Variants in TOX3 observed in about 807,000 individuals in gnomAD.
TOX3 encodes TOX high mobility group box family member 3.
In TOX3, 22 loss-of-function variants were observed where a neutral mutation model predicts 64.3. The observed-to-expected ratio is 0.34, with a 90% confidence interval of 0.24 to 0.49. The LOEUF is 0.49. Ranked by LOEUF, TOX3 falls within the 20% of genes least tolerant of loss-of-function variation. The probability of loss-of-function intolerance (pLI) is 0.99; values close to 1 mark genes in which losing one functional copy is unlikely to be tolerated. For synonymous variants in TOX3, 291 were observed against 273.6 expected, an observed-to-expected ratio of 1.06 and a Z score of -0.63; for missense variants, 661 against 714.4, an observed-to-expected ratio of 0.93 and a Z score of 0.85.
intron 1 of TOX3, among the ~76,000 whole-genome samples, chr16:52,481,906 C>G (rs888148063): frequency 1.6e-4 from 24 of 152,192 alleles, no homozygotes; most frequent in African/African-American, 5.3e-4. Context: ...AAAGAGCTCA[C>G]ATGAGACTCT....
At position 52,517,471 on chromosome 16, in the gene TOX3, T is replaced by C. The variant is rs1316769635; in HGVS notation, c.87+29166A>G. ...TTCTCTTGTCATACAGATGGCTCTC[T>C]TCTTGGTGGTGCCCCAGCCCACCCT... On this transcript the variant is annotated intron_variant, in intron 1 of 6. Coordinates refer to ENST00000219746, the MANE Select transcript of TOX3 (RefSeq NM_001080430.4). Among the ~76,000 whole-genome samples the C allele has an allele frequency of 2.0e-5, 3 of 152,004 alleles. No individual in the cohort carries two copies. In the East Asian group the frequency reaches 5.8e-4, roughly 29 times the overall value.
At chr16:52,501,236 C>G (rs1201545815) in intron 1 of TOX3, among the ~76,000 whole-genome samples, 1 of 152,212 alleles carries the variant, frequency 6.6e-6, no homozygotes, top group Non-Finnish European at 1.5e-5. Context: ...ACTATACTGT[C>G]TCTTTAATAA....
chr16:52,453,330 C>A (rs1207652036), intron 3 of TOX3, among the ~76,000 whole-genome samples: 1 of 151,830 alleles, frequency 6.6e-6, no homozygotes, highest in African/African-American at 2.4e-5. Context: ...ATTACAGGCA[C>A]GCACCACCAT....
chr16:52,465,837 T>C (rs1026073291), intron 2 of TOX3, among the ~76,000 whole-genome samples: 12 of 152,196 alleles, frequency 7.9e-5, no homozygotes, highest in Non-Finnish European at 8.8e-5. Context: ...ACTGAACATC[T>C]TGAGGTTCTT....
intron 3 of TOX3, among the ~76,000 whole-genome samples, chr16:52,461,952 AAC>A (rs1292807333): frequency 6.6e-6 from 1 of 152,144 alleles, no homozygotes; most frequent in Non-Finnish European, 1.5e-5. Flanking sequence ...CAAAGCCAAC[AAC>A]ACATTGTATT....
chr16:52,526,271 A>T (rs569856470), intron 1 of TOX3, among the ~76,000 whole-genome samples: 5 of 152,336 alleles, frequency 3.3e-5, no homozygotes, highest in Admixed American at 2.0e-4. Context: ...AAGAGAACAG[A>T]ATAGCCAAGG....
In TOX3 at chr16:52,535,104, T is replaced by G. The variant is rs373033651; in HGVS notation, c.87+11533A>C. On this transcript the variant is annotated intron_variant, in intron 1 of 6. Coordinates refer to ENST00000219746, the MANE Select transcript of TOX3 (RefSeq NM_001080430.4). ...GCACATAAAAACTAAAACTTTGAAG[T>G]TTAGGAAAAACAAGAACACTACAGA... Among the ~76,000 whole-genome samples the G allele has an allele frequency of 3.9e-5, 6 of 152,126 alleles. No homozygotes were observed. In the East Asian group the frequency reaches 1.2e-3, roughly 30 times the overall value.
At chr16:52,530,475 T>C (rs1270328481) in intron 1 of TOX3, among the ~76,000 whole-genome samples, 4 of 152,076 alleles carry the variant, frequency 2.6e-5, no homozygotes, top group Non-Finnish European at 4.4e-5. Context: ...TAGCTGGGAT[T>C]ACAGGTGCCT....
At chr16:52,482,522 AC>A (rs1961396050) in intron 1 of TOX3, among the ~76,000 whole-genome samples, 1 of 152,222 alleles carries the variant, frequency 6.6e-6, no homozygotes, top group African/African-American at 2.4e-5. Context: ...AGTTCTTAAA[AC>A]AACCACAAAA....
At chr16:52,515,048 A>G (rs1375384519) in intron 1 of TOX3, among the ~76,000 whole-genome samples, 2 of 148,944 alleles carry the variant, frequency 1.3e-5, no homozygotes, top group Admixed American at 6.7e-5. Flanking sequence ...AGGACCCAAG[A>G]GAATATAAGT....
chr16:52,532,663 G>A (rs1962876489), intron 1 of TOX3, among the ~76,000 whole-genome samples: 1 of 152,226 alleles, frequency 6.6e-6, no homozygotes, highest in Non-Finnish European at 1.5e-5. Context: ...TAGATAACTG[G>A]TACAGACAAC....
In TOX3 at chr16:52,546,969, C is replaced by T. The variant is rs1174475205; in HGVS notation, c.-246G>A. 2.0e-6 allele frequency: 2 copies of T among 977,314 alleles called. No individual in the cohort carries two copies. The highest frequency in any genetic ancestry group is 2.4e-6 in the Non-Finnish European group (2 of 826,796). 60.5% of individuals were successfully genotyped at this position (977,314 alleles called of 1,614,324 possible). On this transcript the variant is annotated 5_prime_UTR_variant, in exon 1 of 7. Transcript: ENST00000219746. ...GGGGGGACGCGCCCCGCCGGGGCAC[C>T]GAGGCAGCGCTGCGCGCGGGCCGGG...
intron 1 of TOX3, among the ~76,000 whole-genome samples, chr16:52,535,636 T>C (rs1456584541): frequency 1.3e-5 from 2 of 152,214 alleles, no homozygotes; most frequent in South Asian, 2.1e-4. Flanking sequence ...ATTTTTTCTA[T>C]TACATGTAAG....
In TOX3 at chr16:52,453,187, G is replaced by T. The variant is rs1439627047; in HGVS notation, c.409-2641C>A. Among the ~76,000 whole-genome samples, 27 of 92,456 alleles carry T rather than the reference G, an allele frequency of 2.9e-4. No individual in the cohort carries two copies. In the Admixed American group the frequency reaches 3.1e-3, roughly 10 times the overall value. The allele number at this position is 92,456 out of a possible 152,430, so 60.7% of individuals were successfully genotyped here. ...CGTCTTCATATATGTCTTTCAGAAT[G>T]CTTTTTTTTTTTTTTAGATGGAGTC... is the stretch of plus-strand genomic sequence containing the variant. On this transcript the variant is annotated intron_variant, in intron 3 of 6. Coordinates refer to ENST00000219746, the MANE Select transcript of TOX3 (RefSeq NM_001080430.4).
intron 1 of TOX3, among the ~76,000 whole-genome samples, chr16:52,485,494 G>A (rs528326599): frequency 2.0e-5 from 3 of 151,784 alleles, no homozygotes; most frequent in Non-Finnish European, 4.4e-5. Flanking sequence ...AAGGACGTTG[G>A]GGGGTGATGA....
rs139719632 is a variant in TOX3, at chr16:52,458,014, G to C, written c.408+5920C>G. On this transcript the variant is annotated intron_variant, in intron 3 of 6. Coordinates refer to ENST00000219746, the MANE Select transcript of TOX3 (RefSeq NM_001080430.4). The stretch of plus-strand genomic sequence containing the variant: ...TAGTTTACTCATGTACCCTGCAACT[G>C]CCTTTGTTTTACCAAAGGGACAACT... Among the ~76,000 whole-genome samples the C allele has an allele frequency of 1.8e-3, 272 of 152,184 alleles. 3 individuals carry two copies. Among genetic ancestry groups the C allele is most frequent in the African/African-American group, 6.4e-3 (267 of 41,540 alleles).
chr16:52,491,962 C>G (rs1567333186), intron 1 of TOX3, among the ~76,000 whole-genome samples: 1 of 152,064 alleles, frequency 6.6e-6, no homozygotes, highest in Non-Finnish European at 1.5e-5. Context: ...GGGCTACACA[C>G]CACATTGCCA....
intron 1 of TOX3, among the ~76,000 whole-genome samples, chr16:52,482,914 A>C (rs893339367): frequency 2.0e-5 from 3 of 152,198 alleles, no homozygotes; most frequent in Non-Finnish European, 4.4e-5. Context: ...CCAATCTATA[A>C]ATTTCTTTGG....
intron 1 of TOX3, among the ~76,000 whole-genome samples, chr16:52,526,940 A>G (rs1226428855): frequency 7.9e-5 from 12 of 152,234 alleles, no homozygotes; most frequent in Non-Finnish European, 1.8e-4. Context: ...CTAGTTATGT[A>G]TTGAGATTCT....
Sources: allele counts gnomAD v4.1 joint callset (sites outside exome capture counted in the v4.1 genomes callset), GRCh38; gene constraint gnomAD v4.1.1; transcripts MANE v1.5; gene names NCBI Gene and HGNC (gene_info 2026-07-23, HGNC 2026-07-21).